ADCY1: variants seen among roughly 807,000 people sequenced by gnomAD.
ADCY1 encodes adenylate cyclase type 1.
A neutral mutation model predicts 105.4 loss-of-function variants in ADCY1; 28 were observed. That is an observed-to-expected ratio of 0.27 (90% confidence interval 0.20 to 0.36). The LOEUF is 0.36. ADCY1 is among the 10% of genes least tolerant of loss of function. The probability of loss-of-function intolerance (pLI) is 1.00; values close to 1 mark genes in which losing one functional copy is unlikely to be tolerated. For missense variants in ADCY1, 977 were observed against 1,434.2 expected, an observed-to-expected ratio of 0.68 and a Z score of 5.15; for synonymous variants, 655 against 623.8, an observed-to-expected ratio of 1.05 and a Z score of -0.75.
rs982819954 is a variant in ADCY1 at position 45,717,724 on chromosome 7, G to C, written c.*3729G>C. ...AGCCCCGGAATGCTTCCAGTTGCTT[G>C]CAAGGGACCATGCCGGCCCGGGTGG... On this transcript the variant is annotated 3_prime_UTR_variant, in exon 20 of 20. Transcript: ENST00000297323. The C allele has an allele frequency of 1.3e-5, 2 of 152,300 alleles. No individual in the cohort carries two copies. The highest frequency in any genetic ancestry group is 1.5e-5 in the Non-Finnish European group (1 of 68,062). The allele number at this position is 152,300 out of a possible 1,614,324, so 9.4% of individuals were successfully genotyped here.
At chr7:45,662,034 C>T (rs781557554) in intron 7 of ADCY1, 25 bp from the exon 8 acceptor site, 28 of 1,607,562 alleles carry the variant, frequency 1.7e-5, no homozygotes, top group African/African-American at 4.0e-5. Flanking sequence ...CAGCATTTCT[C>T]CTTGCCCCTT....
At chr7:45,605,900 G>C (rs948366539) in intron 2 of ADCY1, among the ~76,000 whole-genome samples, 1 of 152,120 alleles carries the variant, frequency 6.6e-6, no homozygotes, top group Non-Finnish European at 1.5e-5. Flanking sequence ...TGGAACCTAG[G>C]CATTTGGAAT....
intron 4 of ADCY1, among the ~76,000 whole-genome samples, chr7:45,624,810 G>A (rs190534260): frequency 6.6e-6 from 1 of 152,254 alleles, no homozygotes; most frequent in Non-Finnish European, 1.5e-5. Flanking sequence ...TTTTCTGGAG[G>A]GTCCCGCTTG....
At position 45,710,918 on chromosome 7, in the gene ADCY1, T is replaced by C. The variant is rs1243830187; in HGVS notation, c.3057+266T>C. The stretch of plus-strand genomic sequence containing the variant: ...GCACTGAGTCACTGGGTCCTGCTGC[T>C]GGTCCCAGCAGCCTGGTGGCTCTCA... On this transcript the variant is annotated intron_variant, in intron 19 of 19. Transcript: ENST00000297323. The surrounding 1 kb of genome is among the most constrained non-coding windows in gnomAD (Gnocchi z 4.7). 6.6e-6 allele frequency among the ~76,000 whole-genome samples: 1 copy of C among 152,294 alleles called. No homozygotes were observed. Among genetic ancestry groups the C allele is most frequent in the East Asian group, 1.9e-4 (1 of 5,164 alleles).
chr7:45,685,638 G>T (rs992073154), intron 12 of ADCY1, among the ~76,000 whole-genome samples: 13 of 151,202 alleles, frequency 8.6e-5, no homozygotes, highest in Non-Finnish European at 1.8e-4. Context: ...AGAGCCGGGG[G>T]CAGGAGGAAC....
rs1161116108 is a variant in ADCY1, at chr7:45,575,519, C to A, written c.639+337C>A. 6.6e-6 allele frequency among the ~76,000 whole-genome samples: 1 copy of A among 152,248 alleles called. No homozygotes were observed. Among genetic ancestry groups the A allele is most frequent in the Non-Finnish European group, 1.5e-5 (1 of 68,040 alleles). On this transcript the variant is annotated intron_variant, in intron 1 of 19. Transcript: ENST00000297323. The surrounding 1 kb of genome is among the most constrained non-coding windows in gnomAD (Gnocchi z 4.7). The stretch of plus-strand genomic sequence containing the variant: ...AGGGGTCCGCCGGTCTTTTGCCGCA[C>A]CCATCCCCACAGAGGGACTGAAAGT...
chr7:45,658,109 C>T (rs1794989524), intron 6 of ADCY1, among the ~76,000 whole-genome samples: 1 of 152,142 alleles, frequency 6.6e-6, no homozygotes, highest in South Asian at 2.1e-4. Flanking sequence ...GAGCCTGGCG[C>T]ACATCTACAA....
At chr7:45,664,341 C>T (rs1026809124) in intron 8 of ADCY1, 1 of 1,536,132 alleles carries the variant, frequency 6.5e-7, no homozygotes, top group Non-Finnish European at 8.7e-7. Flanking sequence ...GGGTTTTGGT[C>T]TCCCACCCTG....
chr7:45,613,108 C>A (rs576705570), intron 3 of ADCY1, among the ~76,000 whole-genome samples: 1 of 152,050 alleles, frequency 6.6e-6, no homozygotes, highest in Non-Finnish European at 1.5e-5. Context: ...GATAAATATA[C>A]GGAAACTGAC....
At chr7:45,614,933 C>T (rs567764103) in intron 3 of ADCY1, among the ~76,000 whole-genome samples, 30 of 152,186 alleles carry the variant, frequency 2.0e-4, no homozygotes, top group African/African-American at 4.6e-4. Flanking sequence ...TAATAATAGG[C>T]GACTTCAGTA....
At chr7:45,673,021 G>C (rs1329700027) in intron 8 of ADCY1, among the ~76,000 whole-genome samples, 1 of 152,008 alleles carries the variant, frequency 6.6e-6, no homozygotes, top group African/African-American at 2.4e-5. Flanking sequence ...TCATGAATGG[G>C]TATTGAATTT....
intron 4 of ADCY1, among the ~76,000 whole-genome samples, chr7:45,642,441 G>C (rs1360389623): frequency 6.6e-6 from 1 of 152,124 alleles, no homozygotes; most frequent in Non-Finnish European, 1.5e-5. Flanking sequence ...CTAGGAATTA[G>C]CTAGTCTTGG....
At chr7:45,658,994 C>T (rs1165610023) in intron 6 of ADCY1, among the ~76,000 whole-genome samples, 1 of 152,222 alleles carries the variant, frequency 6.6e-6, no homozygotes, top group Non-Finnish European at 1.5e-5. Context: ...GAATCGGCCC[C>T]TGTAGATGGG....
intron 4 of ADCY1, among the ~76,000 whole-genome samples, chr7:45,642,662 C>A (rs753888908): frequency 6.6e-6 from 1 of 152,130 alleles, no homozygotes; most frequent in South Asian, 2.1e-4. Context: ...CGTTGCTTCT[C>A]TCTAGCAGGC....
At position 45,660,193 on chromosome 7, in the gene ADCY1, A is replaced by AG; in HGVS notation, c.1449+11dup. 6.2e-7 allele frequency: 1 copy of AG among 1,614,080 alleles called. No homozygotes were observed. Among genetic ancestry groups the AG allele is most frequent in the Non-Finnish European group, 8.5e-7 (1 of 1,179,940 alleles). The stretch of plus-strand genomic sequence containing the variant: ...ATCCCATCGCCGAAAGGTAGGCACC[A>AG]GAGCCCCCCTCATTTGGTTGATCCT... On this transcript the variant is annotated intron_variant, in intron 7 of 19. Transcript: ENST00000297323.
At chr7:45,631,291 T>C (rs571319589) in intron 4 of ADCY1, among the ~76,000 whole-genome samples, 1 of 152,398 alleles carries the variant, frequency 6.6e-6, no homozygotes, top group Non-Finnish European at 1.5e-5. Context: ...TGTCCATTTA[T>C]CAGCTTTGTC....
chr7:45,687,912 G>A (rs1182928103), intron 14 of ADCY1, among the ~76,000 whole-genome samples: 1 of 152,238 alleles, frequency 6.6e-6, no homozygotes, highest in African/African-American at 2.4e-5. Context: ...ACTGAAGGCA[G>A]GTGCAGCCCA....
chr7:45,665,237 C>G (rs60697399), intron 8 of ADCY1, among the ~76,000 whole-genome samples: 3,994 of 152,330 alleles, frequency 0.026, 90 homozygotes, highest in South Asian at 0.094. Flanking sequence ...TTAAATGAAG[C>G]AAATCGTGGA....
chr7:45,708,552 G>A lies in ADCY1; in HGVS notation c.2932+88G>A. 2.0e-6 allele frequency: 2 copies of A among 1,010,574 alleles called. No individual in the cohort carries two copies. Among genetic ancestry groups the A allele is most frequent in the South Asian group, 1.5e-5 (1 of 67,482 alleles). The allele number at this position is 1,010,574 out of a possible 1,614,324, so 62.6% of individuals were successfully genotyped here. A position where few individuals can be genotyped will look rare whatever the true frequency, so the allele number is the denominator to read the frequency against. ...GTGGGATCAGCTGATGAGGTACCCT[G>A]GTCTTACAGGAAGGAGGGTGGTGCC... On this transcript the variant is annotated intron_variant, in intron 18 of 19. Coordinates refer to ENST00000297323, the MANE Select transcript of ADCY1 (RefSeq NM_021116.4). This position sits in a 1 kb window ranked among gnomAD's most constrained non-coding sequence, Gnocchi z 4.7.
Sources: gnomAD v4.1 joint callset for allele counts (sites outside exome capture counted in the v4.1 genomes callset) on GRCh38, gnomAD v4.1.1 for gene constraint, Gnocchi (gnomAD v3.1) non-coding constraint, MANE v1.5 for transcripts, NCBI Gene and HGNC (gene_info 2026-07-23, HGNC 2026-07-21) for gene names.